Variants in ATP10B observed in about 807,000 individuals in gnomAD.
ATP10B encodes the protein ATPase phospholipid transporting 10B (putative), also known as phospholipid-transporting ATPase VB.
ATP10B carries 122 observed loss-of-function variants against 141.2 expected under a neutral mutation model. The ratio of observed to expected loss-of-function variants is 0.86; its 90% CI spans 0.75 to 1.00. ATP10B has a LOEUF of 1.00. ATP10B is among the 50% of genes least tolerant of loss of function. The pLI is 0.00. For synonymous variants in ATP10B, 685 were observed against 692.0 expected (o/e 0.99, Z 0.16); for missense variants, 1,876 against 1,825.3 (o/e 1.03, Z -0.51).
chr5:160,677,520 G>A (rs1442233989), intron 6 of ATP10B, among the ~76,000 whole-genome samples: 1 of 152,176 alleles, frequency 6.6e-6, no homozygotes, highest in Admixed American at 6.5e-5. Flanking sequence ...TATTATTAGA[G>A]CTTGGAGTCG....
chr5:160,750,887 C>T (rs899242690), intron 2 of ATP10B, among the ~76,000 whole-genome samples: 5 of 152,338 alleles, frequency 3.3e-5, no homozygotes, highest in Admixed American at 2.6e-4. Flanking sequence ...ATGGTTCACT[C>T]TCTCAACCAG....
the ATP10B span, among the ~76,000 whole-genome samples, chr5:160,864,947 T>C: frequency 6.6e-6 from 1 of 151,990 alleles, no homozygotes; most frequent in Non-Finnish European, 1.5e-5. Context: ...TGGAAACACA[T>C]CCCATGCTCA....
chr5:160,764,636 C>A (rs1769274603), intron 2 of ATP10B, among the ~76,000 whole-genome samples: 2 of 152,138 alleles, frequency 1.3e-5, no homozygotes, highest in African/African-American at 4.8e-5. Context: ...TGAAAGCATT[C>A]TCCCTAAGAA....
chr5:160,844,468 C>T (rs1342220459), intron 1 of ATP10B, among the ~76,000 whole-genome samples: 1 of 152,076 alleles, frequency 6.6e-6, no homozygotes, highest in East Asian at 1.9e-4. Flanking sequence ...GGAATTTTTT[C>T]ACAGGTGCCA....
rs749957373 is a variant in ATP10B, at chr5:160,685,116, G to C, written c.470+963C>G. On this transcript the variant is annotated intron_variant, in intron 6 of 25. Transcript: ENST00000327245. ...TGATTTGATTCCCACGATGATGTCT[G>C]TTGGGGTTCTCTTTGTGAGACCATC... The C allele has an allele frequency of 7.1e-6, 5 of 703,126 alleles. No individual in the cohort carries two copies. In the East Asian group the frequency reaches 1.3e-4, roughly 19 times the overall value. 43.6% of individuals were successfully genotyped at this position (703,126 alleles called of 1,614,324 possible).
At chr5:160,901,148 C>T in the ATP10B span, among the ~76,000 whole-genome samples, 6 of 152,062 alleles carry the variant, frequency 3.9e-5, no homozygotes, top group African/African-American at 1.4e-4. Flanking sequence ...CTGGGGAATG[C>T]TTTGCAAATA....
chr5:160,597,808 G>C (rs1486623103), intron 22 of ATP10B, among the ~76,000 whole-genome samples: 4 of 152,076 alleles, frequency 2.6e-5, no homozygotes, highest in Admixed American at 2.6e-4. Flanking sequence ...CACCATGACT[G>C]GCTATCAGAG....
At chr5:160,589,823 G>A in intron 23 of ATP10B, 127 bp from the exon 24 acceptor site, 1 of 691,698 alleles carries the variant, frequency 1.4e-6, no homozygotes, top group Non-Finnish European at 2.6e-6. Context: ...GCTGCCATCT[G>A]TGTGGTACTG....
intron 1 of ATP10B, among the ~76,000 whole-genome samples, chr5:160,808,581 A>C (rs990309369): frequency 1.3e-5 from 2 of 152,122 alleles, no homozygotes; most frequent in African/African-American, 4.8e-5. Flanking sequence ...TCCCTACCTT[A>C]ACTGGATTGG....
At chr5:160,917,286 T>G in the ATP10B span, among the ~76,000 whole-genome samples, 1 of 149,254 alleles carries the variant, frequency 6.7e-6, no homozygotes, top group Non-Finnish European at 1.5e-5. Flanking sequence ...TTTTTTTTTT[T>G]TGGTGCATTA....
chr5:160,795,299 A>G (rs1231631063), intron 1 of ATP10B, among the ~76,000 whole-genome samples: 1 of 152,226 alleles, frequency 6.6e-6, no homozygotes, highest in East Asian at 1.9e-4. Context: ...CCAACATTAT[A>G]GGAAATTCCC....
chr5:160,806,529 C>T (rs1190233712), intron 1 of ATP10B, among the ~76,000 whole-genome samples: 2 of 152,190 alleles, frequency 1.3e-5, no homozygotes. Flanking sequence ...CTTTTTACCG[C>T]TGTTTGTCTT....
intron 13 of ATP10B, among the ~76,000 whole-genome samples, chr5:160,631,923 ATC>A (rs749475662): frequency 6.6e-5 from 10 of 152,258 alleles, no homozygotes; most frequent in Non-Finnish European, 1.3e-4. Flanking sequence ...CTTACATAAA[ATC>A]TCTGATTTCT....
chr5:160,602,772 G>T, intron 20 of ATP10B, 70 bp from the exon 21 acceptor site: 1 of 1,603,374 alleles, frequency 6.2e-7, no homozygotes. Context: ...CTCTCTCAAG[G>T]GCGTTGCTTT....
intron 1 of ATP10B, among the ~76,000 whole-genome samples, chr5:160,793,467 TG>T (rs1771733311): frequency 6.6e-6 from 1 of 152,242 alleles, no homozygotes; most frequent in South Asian, 2.1e-4. Context: ...CTATCCATTA[TG>T]AAGTATTTAT....
intron 1 of ATP10B, among the ~76,000 whole-genome samples, chr5:160,803,316 C>A (rs972739049): frequency 6.6e-6 from 1 of 152,184 alleles, no homozygotes. Flanking sequence ...GTGCTAAATG[C>A]TTTACACATT....
At chr5:160,885,995 T>C in the ATP10B span, among the ~76,000 whole-genome samples, 279 of 152,326 alleles carry the variant, frequency 1.8e-3, 1 homozygote, top group African/African-American at 5.8e-3. Context: ...GATCAATATA[T>C]ATTGGTTAAA....
the ATP10B span, among the ~76,000 whole-genome samples, chr5:160,868,569 C>A: frequency 2.7e-5 from 4 of 147,936 alleles, no homozygotes; most frequent in Non-Finnish European, 6.0e-5. Context: ...CACACACACA[C>A]GATGCAACTA....
intron 6 of ATP10B, among the ~76,000 whole-genome samples, chr5:160,682,810 C>T (rs1159560570): frequency 2.0e-5 from 3 of 151,972 alleles, no homozygotes; most frequent in Non-Finnish European, 4.4e-5. Flanking sequence ...GAGGCCGAGG[C>T]GGGCGGATCA....
Sources: gnomAD v4.1 joint callset for allele counts (sites outside exome capture counted in the v4.1 genomes callset) on GRCh38, gnomAD v4.1.1 for gene constraint, MANE v1.5 for transcripts, NCBI Gene and HGNC (gene_info 2026-07-23, HGNC 2026-07-21) for gene names.